KLHL7: variants seen among roughly 807,000 people sequenced by gnomAD.
The protein encoded by KLHL7 is kelch like family member 7, also known as kelch-like protein 7.
Under a neutral mutation model 67.4 loss-of-function variants are expected in KLHL7, and 44 were observed. The ratio of observed to expected loss-of-function variants is 0.65; its 90% CI spans 0.51 to 0.84. The LOEUF is 0.84. KLHL7 is among the 40% of genes least tolerant of loss of function. KLHL7 has a pLI of 0.00. For missense variants in KLHL7, 362 were observed against 718.1 expected (o/e 0.50, Z 5.67); for synonymous variants, 252 against 243.3 (o/e 1.04, Z -0.33).
chr7:23,135,350 C>A (rs182489247), intron 4 of KLHL7, among the ~76,000 whole-genome samples: 409 of 152,218 alleles, frequency 2.7e-3, no homozygotes, highest in Non-Finnish European at 4.5e-3. Flanking sequence ...TGTGACCTAG[C>A]ATATGGTCTA....
At chr7:23,155,704 A>G (rs1784683873) in intron 7 of KLHL7, among the ~76,000 whole-genome samples, 2 of 152,144 alleles carry the variant, frequency 1.3e-5, no homozygotes, top group South Asian at 4.1e-4. Flanking sequence ...TTGTAATCCT[A>G]AAAACTATAG....
intron 7 of KLHL7, among the ~76,000 whole-genome samples, chr7:23,156,362 C>T (rs910621007): frequency 6.6e-6 from 1 of 152,134 alleles, no homozygotes; most frequent in African/African-American, 2.4e-5. Flanking sequence ...CTGCCTCTTC[C>T]CATCCTGTAT....
In KLHL7 at chr7:23,174,348, G is replaced by A; in HGVS notation, c.*50G>A. 1.9e-6 allele frequency: 3 copies of A among 1,594,566 alleles called. No individual in the cohort carries two copies. Among genetic ancestry groups the A allele is most frequent in the Non-Finnish European group, 2.6e-6 (3 of 1,162,784 alleles). The stretch of plus-strand genomic sequence containing the variant: ...CAGAGACTCTAAAATATAGCCACCA[G>A]TGCTTTGTTCCAGGAGTTTGGTGAC... On this transcript the variant is annotated 3_prime_UTR_variant, in exon 11 of 11. Coordinates refer to ENST00000339077, the MANE Select transcript of KLHL7 (RefSeq NM_001031710.3).
chr7:23,148,306 C>T (rs1374780888), intron 6 of KLHL7, among the ~76,000 whole-genome samples: 2 of 150,414 alleles, frequency 1.3e-5, no homozygotes, highest in Non-Finnish European at 3.0e-5. Flanking sequence ...GTGTTTGAAC[C>T]TAGTCGAGGT....
chr7:23,133,004 T>C (rs1372544857), intron 4 of KLHL7, among the ~76,000 whole-genome samples: 1 of 152,182 alleles, frequency 6.6e-6, no homozygotes, highest in Non-Finnish European at 1.5e-5. Context: ...GGTCTATGTG[T>C]CTGTTTTTAT....
At chr7:23,157,906 C>T (rs1454401970) in intron 7 of KLHL7, among the ~76,000 whole-genome samples, 2 of 152,108 alleles carry the variant, frequency 1.3e-5, no homozygotes, top group Admixed American at 6.5e-5. Flanking sequence ...TGCACATATT[C>T]GATTGAAGGC....
In KLHL7 at chr7:23,140,986, CTT is replaced by C. The variant is rs1442497861; in HGVS notation, c.618+44_618+45del. The C allele has an allele frequency of 2.6e-6, 4 of 1,511,018 alleles. No individual in the cohort carries two copies. In the African/African-American group the frequency reaches 5.5e-5, roughly 21 times the overall value. 93.6% of individuals were successfully genotyped at this position (1,511,018 alleles called of 1,614,324 possible). On this transcript the variant is annotated intron_variant, in intron 5 of 10. Coordinates refer to ENST00000339077, the MANE Select transcript of KLHL7 (RefSeq NM_001031710.3). ...CTCACATTTTTCTTAATAAAAATGT[CTT>C]TATTGGTTTCTTAAAACTCATGTTT...
rs1463982200 is a variant in KLHL7 at position 23,131,907 on chromosome 7, T to C, written c.442+6735T>C. ...CAAATAAACGAGAATATGTGATGTC[T>C]GTCTTTCTGTGCCTGGCTTATTTCA... On this transcript the variant is annotated intron_variant, in intron 4 of 10. Transcript: ENST00000339077. 6.6e-5 allele frequency among the ~76,000 whole-genome samples: 10 copies of C among 152,154 alleles called. No individual in the cohort carries two copies. In the East Asian group the frequency reaches 1.5e-3, roughly 23 times the overall value.
At chr7:23,173,917 CAAT>C in intron 10 of KLHL7, 95 bp from the exon 11 acceptor site, 1 of 1,242,386 alleles carries the variant, frequency 8.0e-7, no homozygotes, top group East Asian at 2.4e-5. Context: ...ACATTTTTCA[CAAT>C]AAAATATTGG....
intron 1 of KLHL7, among the ~76,000 whole-genome samples, chr7:23,122,629 A>G (rs1783399462): frequency 6.6e-6 from 1 of 152,234 alleles, no homozygotes; most frequent in Non-Finnish European, 1.5e-5. Flanking sequence ...AAATCTTCAA[A>G]TAAGCTGTAA....
intron 1 of KLHL7, among the ~76,000 whole-genome samples, chr7:23,109,209 C>G (rs1289779143): frequency 6.6e-6 from 1 of 152,200 alleles, no homozygotes; most frequent in South Asian, 2.1e-4. Context: ...TTGATGTTGT[C>G]AGTCTTATCA....
chr7:23,119,199 A>T (rs1783225804), intron 1 of KLHL7, among the ~76,000 whole-genome samples: 1 of 152,132 alleles, frequency 6.6e-6, no homozygotes, highest in Non-Finnish European at 1.5e-5. Flanking sequence ...ACAATTGATG[A>T]GTCAATATTG....
Position 23,144,473 on chromosome 7 carries a change from A to G in KLHL7, c.793+448A>G, listed in dbSNP as rs968120343. 9.2e-5 allele frequency among the ~76,000 whole-genome samples: 14 copies of G among 152,262 alleles called. No homozygotes were observed. In the South Asian group the frequency reaches 2.5e-3, roughly 27 times the overall value. ...CCCCTCAACACCTTTGTACAATGCC[A>G]CTTAATAAAATTGTCTATACAATTA... On this transcript the variant is annotated intron_variant, in intron 6 of 10. Coordinates refer to ENST00000339077, the MANE Select transcript of KLHL7 (RefSeq NM_001031710.3).
Position 23,174,327 on chromosome 7 carries a change from G to T in KLHL7, c.*29G>T, listed in dbSNP as rs1202516985. 4 of 1,611,222 alleles carry T rather than the reference G, an allele frequency of 2.5e-6. No homozygotes were observed. Among genetic ancestry groups the T allele is most frequent in the Non-Finnish European group, 3.4e-6 (4 of 1,178,358 alleles). On this transcript the variant is annotated 3_prime_UTR_variant, in exon 11 of 11. Transcript: ENST00000339077. ...ATGAGTGGACTTCAGACTCATCAGAGACTCTAAAATATAGCCACCAGTGCT... is the reference window on the plus strand; with the variant it reads ...ATGAGTGGACTTCAGACTCATCAGATACTCTAAAATATAGCCACCAGTGCT...
intron 2 of KLHL7, among the ~76,000 whole-genome samples, 154 bp from the exon 3 acceptor site, chr7:23,124,534 G>C (rs556325906): frequency 2.0e-5 from 3 of 152,304 alleles, no homozygotes; most frequent in African/African-American, 4.8e-5. Context: ...AATTTGCATT[G>C]ACTATAGAAA....
At chr7:23,153,242 T>A (rs1259557397) in intron 7 of KLHL7, among the ~76,000 whole-genome samples, 2 of 152,156 alleles carry the variant, frequency 1.3e-5, no homozygotes, top group Admixed American at 1.3e-4. Context: ...CTACAACGCT[T>A]CTGCAGCTCA....
intron 4 of KLHL7, among the ~76,000 whole-genome samples, chr7:23,128,713 A>G (rs1334230257): frequency 6.6e-6 from 1 of 152,020 alleles, no homozygotes; most frequent in Non-Finnish European, 1.5e-5. Flanking sequence ...GCAGGTCCCA[A>G]AAGAAACTCC....
chr7:23,125,443 G>T (rs1783532048), intron 4 of KLHL7, among the ~76,000 whole-genome samples: 1 of 152,122 alleles, frequency 6.6e-6, no homozygotes, highest in Non-Finnish European at 1.5e-5. Context: ...AATGAATAAG[G>T]ATTGCATGTG....
chr7:23,139,524 A>G (rs962159890), intron 4 of KLHL7, among the ~76,000 whole-genome samples: 9 of 152,266 alleles, frequency 5.9e-5, no homozygotes, highest in African/African-American at 1.9e-4. Flanking sequence ...ACTTTTCACC[A>G]TGAGCATCAA....
Sources: gnomAD v4.1 joint callset for allele counts (sites outside exome capture counted in the v4.1 genomes callset) on GRCh38, gnomAD v4.1.1 for gene constraint, MANE v1.5 for transcripts, NCBI Gene and HGNC (gene_info 2026-07-23, HGNC 2026-07-21) for gene names.